The following FUBP1 variants were observed in gnomAD, a reference collection of about 807,000 sequenced individuals.
FUBP1 encodes the protein far upstream element binding protein 1, also known as far upstream element-binding protein 1.
In FUBP1, 16 loss-of-function variants were observed where a neutral mutation model predicts 94.9. The ratio of observed to expected loss-of-function variants is 0.17; its 90% CI spans 0.11 to 0.26. FUBP1 has a LOEUF of 0.26. Ranked by LOEUF, FUBP1 falls within the 10% of genes least tolerant of loss-of-function variation. FUBP1 has a pLI of 1.00. For missense variants in FUBP1, 583 were observed against 808.6 expected, an observed-to-expected ratio of 0.72 and a Z score of 3.38; for synonymous variants, 279 against 254.9, an observed-to-expected ratio of 1.09 and a Z score of -0.90.
intron 8 of FUBP1, 27 bp downstream of exon 8, chr1:77,965,042 G>A (rs1178736765): frequency 3.1e-6 from 5 of 1,603,952 alleles, no homozygotes; most frequent in African/African-American, 1.3e-5. Context: ...CAGATCAAAA[G>A]TAGCCATTTC....
Position 77,975,995 on chromosome 1 carries a change from A to G in FUBP1, c.120+2890T>C, listed in dbSNP as rs537316612. 3.9e-5 allele frequency among the ~76,000 whole-genome samples: 6 copies of G among 152,346 alleles called. No homozygotes were observed. The East Asian group carries it at 9.6e-4, about 24-fold the overall frequency. The stretch of plus-strand genomic sequence containing the variant: ...ATAATTACTTGTCCTGCTTTTCTGA[A>G]TAACAACTATCCAGCTAAAAATACC... On this transcript the variant is annotated intron_variant, in intron 1 of 19. Transcript: ENST00000370768.
intron 6 of FUBP1, 45 bp downstream of exon 6, chr1:77,966,839 T>C (rs758068817): frequency 1.6e-6 from 2 of 1,233,660 alleles, no homozygotes; most frequent in Non-Finnish European, 2.3e-6. Context: ...AAAAAAAAGC[T>C]AGTTTTCTAG....
At chr1:77,953,404 T>C (rs1442258956) in intron 18 of FUBP1, among the ~76,000 whole-genome samples, 6 of 152,064 alleles carry the variant, frequency 3.9e-5, no homozygotes, top group Middle Eastern at 3.2e-3. Context: ...GGCCGGAGAA[T>C]CGCTTGAACC....
At chr1:77,971,714 A>G (rs1255357932) in intron 1 of FUBP1, among the ~76,000 whole-genome samples, 1 of 152,058 alleles carries the variant, frequency 6.6e-6, no homozygotes, top group East Asian at 1.9e-4. Context: ...AAAAAAAAAA[A>G]AGGTACACTC....
At chr1:77,949,769 A>G (rs1185027262) in intron 18 of FUBP1, among the ~76,000 whole-genome samples, 3 of 152,218 alleles carry the variant, frequency 2.0e-5, no homozygotes, top group Non-Finnish European at 4.4e-5. Flanking sequence ...GAAAAACTTT[A>G]AGCCCACTTA....
intron 12 of FUBP1, 130 bp from the exon 13 acceptor site, chr1:77,963,845 A>G (rs1655987751): frequency 4.0e-6 from 3 of 756,444 alleles, no homozygotes; most frequent in Non-Finnish European, 6.4e-6. Flanking sequence ...ACTGGCCCTA[A>G]TAAGTAATAA....
rs374544510 is a variant in FUBP1 at position 77,979,052 on chromosome 1, G to C, written c.-48C>G. On this transcript the variant is annotated 5_prime_UTR_variant, in exon 1 of 20. Coordinates refer to ENST00000370768, the MANE Select transcript of FUBP1 (RefSeq NM_003902.5). ...CCGCCTGTTCAGAGACTTCCTCTCA[G>C]CTAACAGCTAAGAAAGAAAGAAAAT... 6.5e-7 allele frequency: 1 copy of C among 1,531,372 alleles called. No homozygotes were observed. Among genetic ancestry groups the C allele is most frequent in the African/African-American group, 1.4e-5 (1 of 72,224 alleles). The allele number at this position is 1,531,372 out of a possible 1,614,324, so 94.9% of individuals were successfully genotyped here. A position where few individuals can be genotyped will look rare whatever the true frequency, so the allele number is the denominator to read the frequency against.
Position 77,948,404 on chromosome 1 carries a change from G to C in FUBP1, c.*362C>G. The C allele has an allele frequency of 9.2e-7, 1 of 1,081,738 alleles. No homozygotes were observed. The highest frequency in any genetic ancestry group is 1.1e-6 in the Non-Finnish European group (1 of 887,442). The allele number at this position is 1,081,738 out of a possible 1,614,324, so 67.0% of individuals were successfully genotyped here. A position where few individuals can be genotyped will look rare whatever the true frequency, so the allele number is the denominator to read the frequency against. ...CCCACATATCCAACTTACCGACACAGGAGGTTTCATATCATTTATTGTAAA... is the reference window on the plus strand; with the variant it reads ...CCCACATATCCAACTTACCGACACACGAGGTTTCATATCATTTATTGTAAA... On this transcript the variant is annotated 3_prime_UTR_variant, in exon 20 of 20. Transcript: ENST00000370768.
chr1:77,966,807 T>C (rs1656586459), intron 6 of FUBP1, 56 bp from the exon 7 acceptor site: 1 of 1,307,802 alleles, frequency 7.6e-7, no homozygotes, highest in Non-Finnish European at 1.1e-6. Context: ...GTAGCATTAT[T>C]GTTACTAGAA....
chr1:77,978,203 A>C (rs1317356275), intron 1 of FUBP1, among the ~76,000 whole-genome samples: 2 of 152,254 alleles, frequency 1.3e-5, no homozygotes, highest in African/African-American at 2.4e-5. Flanking sequence ...CCTTCAGGGC[A>C]AATGCACGCA....
At chr1:77,977,219 A>G (rs1411593309) in intron 1 of FUBP1, among the ~76,000 whole-genome samples, 1 of 152,162 alleles carries the variant, frequency 6.6e-6, no homozygotes, top group Admixed American at 6.5e-5. Context: ...CAAACGAAAA[A>G]AAACAAGGCC....
Position 77,979,067 on chromosome 1 carries a change from A to G in FUBP1, c.-63T>C, listed in dbSNP as rs1659341995. The G allele has an allele frequency of 4.0e-6, 6 of 1,482,366 alleles. No individual in the cohort carries two copies. The highest frequency in any genetic ancestry group is 5.4e-6 in the Non-Finnish European group (6 of 1,104,676). The allele number at this position is 1,482,366 out of a possible 1,614,324, so 91.8% of individuals were successfully genotyped here. On this transcript the variant is annotated 5_prime_UTR_variant, in exon 1 of 20. Coordinates refer to ENST00000370768, the MANE Select transcript of FUBP1 (RefSeq NM_003902.5). ...CTTCCTCTCAGCTAACAGCTAAGAAAGAAAGAAAATGGCGGCCGTCGAAGC... is the reference window on the plus strand; with the variant it reads ...CTTCCTCTCAGCTAACAGCTAAGAAGGAAAGAAAATGGCGGCCGTCGAAGC...
chr1:77,968,348 C>A, intron 2 of FUBP1, 145 bp from the exon 3 acceptor site: 1 of 601,866 alleles, frequency 1.7e-6, no homozygotes, highest in Non-Finnish European at 2.9e-6. Context: ...CAAAATTCAA[C>A]CCCAACTCAG....
chr1:77,955,718 C>T (rs368170916), intron 17 of FUBP1, among the ~76,000 whole-genome samples: 4 of 152,020 alleles, frequency 2.6e-5, no homozygotes, highest in East Asian at 1.9e-4. Context: ...ATACATATAT[C>T]GATGTTTATG....
intron 14 of FUBP1, among the ~76,000 whole-genome samples, chr1:77,962,451 G>A (rs1247214075): frequency 1.3e-5 from 2 of 152,042 alleles, no homozygotes; most frequent in East Asian, 3.9e-4. Context: ...AATAAATAAT[G>A]AATTCCCGTT....
In FUBP1 at chr1:77,949,039, GTTA is replaced by G. The variant is rs144763492; in HGVS notation, c.1926+113_1926+115del. The G allele has an allele frequency of 2.7e-3, 2,839 of 1,040,940 alleles. 57 individuals carry two copies. In the African/African-American group the frequency reaches 0.042, roughly 16 times the overall value. The allele number at this position is 1,040,940 out of a possible 1,614,324, so 64.5% of individuals were successfully genotyped here. ...TACACCGTAGTACTTCATTTAAATAGTTATTATACTTTGCCAGATAAAAATTTA... is the reference window on the plus strand; with the variant it reads ...TACACCGTAGTACTTCATTTAAATAGTTATACTTTGCCAGATAAAAATTTA... On this transcript the variant is annotated intron_variant, in intron 19 of 19. Transcript: ENST00000370768.
chr1:77,952,260 AT>A (rs199942976), intron 18 of FUBP1, among the ~76,000 whole-genome samples: 3 of 152,014 alleles, frequency 2.0e-5, no homozygotes, highest in Non-Finnish European at 4.4e-5. Flanking sequence ...ATAAAAAAAA[AT>A]AAAATAAAAA....
At position 77,979,015 on chromosome 1, in the gene FUBP1, TAAG is replaced by T; in HGVS notation, c.-14_-12del. On this transcript the variant is annotated 5_prime_UTR_variant, in exon 1 of 20. Coordinates refer to ENST00000370768, the MANE Select transcript of FUBP1 (RefSeq NM_003902.5). ...TGAATAGTCTGCCATGGTTGCACTA[TAAG>T]AGCCGCTGCCGCCTGTTCAGAGACT... 1 of 1,602,870 alleles carries T rather than the reference TAAG, an allele frequency of 6.2e-7. No individual in the cohort carries two copies. Among genetic ancestry groups the T allele is most frequent in the Admixed American group, 1.7e-5 (1 of 58,972 alleles).
chr1:77,978,240 G>C lies in FUBP1; in HGVS notation c.120+645C>G, dbSNP rs543347894. 5.3e-5 allele frequency among the ~76,000 whole-genome samples: 8 copies of C among 152,354 alleles called. 1 individual carries two copies. In the South Asian group the frequency reaches 8.3e-4, roughly 16 times the overall value. On this transcript the variant is annotated intron_variant, in intron 1 of 19. Coordinates refer to ENST00000370768, the MANE Select transcript of FUBP1 (RefSeq NM_003902.5). ...TACGTAATACAAAGAGGTCTGGTCA[G>C]TTTACGACTCTGAACTGAGAGGCAG...
Sources: allele counts gnomAD v4.1 joint callset (sites outside exome capture counted in the v4.1 genomes callset), GRCh38; gene constraint gnomAD v4.1.1; transcripts MANE v1.5; gene names NCBI Gene and HGNC (gene_info 2026-07-23, HGNC 2026-07-21).